The following WDR33 variants were observed in gnomAD, a reference collection of about 807,000 sequenced individuals.
The protein encoded by WDR33 is pre-mRNA 3' end processing protein WDR33.
A neutral mutation model predicts 164.9 loss-of-function variants in WDR33; 47 were observed. The ratio of observed to expected loss-of-function variants is 0.29; its 90% CI spans 0.23 to 0.36. The LOEUF (loss-of-function observed/expected upper bound fraction) is 0.36, where lower values mean the gene tolerates loss of function less well. Ranked by LOEUF, WDR33 falls within the 10% of genes least tolerant of loss-of-function variation. The pLI is 1.00. For missense variants in WDR33, 1,137 were observed against 1,754.1 expected (o/e 0.65, Z 6.28); for synonymous variants, 505 against 589.0 (o/e 0.86, Z 2.06).
chr2:127,752,462 C>T (rs368482015), intron 7 of WDR33, among the ~76,000 whole-genome samples: 5 of 151,594 alleles, frequency 3.3e-5, no homozygotes, highest in Non-Finnish European at 5.9e-5. Flanking sequence ...CGGTGGCGGG[C>T]GCCTGTAGTC....
At chr2:127,809,297 A>G (rs1409290695) in intron 1 of WDR33, among the ~76,000 whole-genome samples, 1 of 152,154 alleles carries the variant, frequency 6.6e-6, no homozygotes, top group Non-Finnish European at 1.5e-5. Context: ...TTACGTCAAT[A>G]TAAAACCGTG....
chr2:127,771,914 GTGTA>G (rs1688016269), intron 1 of WDR33, among the ~76,000 whole-genome samples: 2 of 152,268 alleles, frequency 1.3e-5, no homozygotes, highest in African/African-American at 2.4e-5. Flanking sequence ...GAGGCAGGGT[GTGTA>G]TGTGTGAGTC....
chr2:127,750,673 AAAAAATATATATATATATATATATAT>A lies in WDR33; in HGVS notation c.724+12363_724+12388del, dbSNP rs1187849339. Among the ~76,000 whole-genome samples the A allele has an allele frequency of 1.6e-4, 10 of 62,878 alleles. No homozygotes were observed. In the Admixed American group the frequency reaches 1.8e-3, roughly 11 times the overall value. 41.3% of individuals were successfully genotyped at this position (62,878 alleles called of 152,430 possible). A position where few individuals can be genotyped will look rare whatever the true frequency, so the allele number is the denominator to read the frequency against. On this transcript the variant is annotated intron_variant, in intron 7 of 21. Transcript: ENST00000322313. Reference sequence around the variant, plus strand: ...CTTAAAAAAAAAAAAAAAAAAAAAAAAAAAATATATATATATATATATATATATATATATATATATGTATGTATGCA... The same window carrying A: ...CTTAAAAAAAAAAAAAAAAAAAAAAAATATATATATATATGTATGTATGCA...
chr2:127,735,989 T>A lies in WDR33; in HGVS notation c.725-9212A>T. On this transcript the variant is annotated intron_variant, in intron 7 of 21. Coordinates refer to ENST00000322313, the MANE Select transcript of WDR33 (RefSeq NM_018383.5). This position sits in a 1 kb window ranked among gnomAD's most constrained non-coding sequence, Gnocchi z 4.3. ...CCTAGGCAGGGCAGTGTTTTCACAA[T>A]GTATGTTCCAACAATACAGTGCATA... The A allele has an allele frequency of 1.0e-6, 1 of 985,448 alleles. No individual in the cohort carries two copies. Among genetic ancestry groups the A allele is most frequent in the Non-Finnish European group, 1.2e-6 (1 of 829,942 alleles). The allele number at this position is 985,448 out of a possible 1,614,324, so 61.0% of individuals were successfully genotyped here.
At chr2:127,753,006 C>T (rs554283020) in intron 7 of WDR33, among the ~76,000 whole-genome samples, 2 of 152,332 alleles carry the variant, frequency 1.3e-5, no homozygotes, top group South Asian at 4.1e-4. Flanking sequence ...TCATTGCAAC[C>T]TCCTCTGCCT....
chr2:127,745,889 GT>G (rs1346325161), intron 7 of WDR33, among the ~76,000 whole-genome samples: 1 of 152,056 alleles, frequency 6.6e-6, no homozygotes, highest in Non-Finnish European at 1.5e-5. Flanking sequence ...GCTGGGCATG[GT>G]GGCAAGCTCC....
At chr2:127,733,881 A>G (rs565268266) in intron 7 of WDR33, among the ~76,000 whole-genome samples, 1 of 152,224 alleles carries the variant, frequency 6.6e-6, no homozygotes, top group Admixed American at 6.5e-5. Context: ...AGAACTATCC[A>G]GCCCTCTAAC....
rs935062781 is a variant in WDR33, at chr2:127,701,376, G to C, written c.*4947C>G. 61 of 708,138 alleles carry C rather than the reference G, an allele frequency of 8.6e-5. No individual in the cohort carries two copies. The Admixed American group carries it at 2.7e-3, about 31-fold the overall frequency. 43.9% of individuals were successfully genotyped at this position (708,138 alleles called of 1,614,324 possible). ...CACGGTACTTGGGGACACCACAAAA[G>C]TCCGCAGAGCAGGCACCGCGGCACT... On this transcript the variant is annotated 3_prime_UTR_variant, in exon 22 of 22. Coordinates refer to ENST00000322313, the MANE Select transcript of WDR33 (RefSeq NM_018383.5).
intron 7 of WDR33, among the ~76,000 whole-genome samples, chr2:127,731,474 C>T (rs1487303641): frequency 1.3e-5 from 2 of 152,128 alleles, no homozygotes; most frequent in Non-Finnish European, 2.9e-5. Flanking sequence ...GGCATATAAC[C>T]ATTGATTCTA....
rs897252080 is a variant in WDR33, at chr2:127,736,567, A to T, written c.725-9790T>A. 3.0e-6 allele frequency: 3 copies of T among 985,352 alleles called. No homozygotes were observed. The Admixed American group carries it at 1.8e-4, about 61-fold the overall frequency. 61.0% of individuals were successfully genotyped at this position (985,352 alleles called of 1,614,324 possible). A position where few individuals can be genotyped will look rare whatever the true frequency, so the allele number is the denominator to read the frequency against. On this transcript the variant is annotated intron_variant, in intron 7 of 21. Coordinates refer to ENST00000322313, the MANE Select transcript of WDR33 (RefSeq NM_018383.5). ...AGTCACACATTTACTTTGCCTATGT[A>T]GGTAAAATGGTTTCTATTGATTTGT...
Position 127,701,313 on chromosome 2 carries a change from G to A in WDR33, c.*5010C>T, listed in dbSNP as rs754875300. On this transcript the variant is annotated 3_prime_UTR_variant, in exon 22 of 22. Coordinates refer to ENST00000322313, the MANE Select transcript of WDR33 (RefSeq NM_018383.5). ...CGAACAAGGAAGAGGGTCAGGCGCT[G>A]GGAGGGCGACTGCAAGCGGACAGGC... is the stretch of plus-strand genomic sequence containing the variant. 6 of 375,642 alleles carry A rather than the reference G, an allele frequency of 1.6e-5. No homozygotes were observed. The highest frequency in any genetic ancestry group is 2.3e-5 in the Non-Finnish European group (5 of 216,874). The allele number at this position is 375,642 out of a possible 1,614,324, so 23.3% of individuals were successfully genotyped here.
intron 8 of WDR33, 99 bp from the exon 9 acceptor site, chr2:127,725,314 G>T: frequency 8.1e-7 from 1 of 1,239,990 alleles, no homozygotes; most frequent in Non-Finnish European, 1.1e-6. Flanking sequence ...ATGGCAAGAG[G>T]TTTGGCCTAG....
At chr2:127,810,833 C>G (rs1458580788) in intron 1 of WDR33, 179 bp downstream of exon 1, 1 of 152,732 alleles carries the variant, frequency 6.5e-6, no homozygotes, top group Non-Finnish European at 1.5e-5. Context: ...CTCCAGCCCC[C>G]TCCCATAAGT....
intron 7 of WDR33, among the ~76,000 whole-genome samples, chr2:127,755,074 G>GT (rs780761615): frequency 6.6e-6 from 1 of 152,148 alleles, no homozygotes. Flanking sequence ...ACACAGGATT[G>GT]TTTTTATGAA....
rs766304515 is a variant in WDR33, at chr2:127,712,903, C to T, written c.3308+680G>A. 6.6e-6 allele frequency among the ~76,000 whole-genome samples: 1 copy of T among 152,176 alleles called. No homozygotes were observed. The highest frequency in any genetic ancestry group is 2.4e-5 in the African/African-American group (1 of 41,432). On this transcript the variant is annotated intron_variant, in intron 18 of 21. Coordinates refer to ENST00000322313, the MANE Select transcript of WDR33 (RefSeq NM_018383.5). The surrounding 1 kb of genome is among the most constrained non-coding windows in gnomAD (Gnocchi z 4.0). ...CTGAGTAGCTAGGACTACAGGCATG[C>T]ACCACCAAACCCAGCTAATTAAAAA... is the stretch of plus-strand genomic sequence containing the variant.
intron 7 of WDR33, among the ~76,000 whole-genome samples, chr2:127,732,861 T>A (rs185117051): frequency 7.9e-4 from 120 of 152,326 alleles, no homozygotes; most frequent in African/African-American, 2.7e-3. Flanking sequence ...ACCAAACACA[T>A]GGTTTATTAA....
chr2:127,786,482 A>C (rs1458915790), intron 1 of WDR33, among the ~76,000 whole-genome samples: 4 of 152,224 alleles, frequency 2.6e-5, no homozygotes, highest in Non-Finnish European at 5.9e-5. Context: ...CAGGAGTTCA[A>C]GACCAGCTCA....
Position 127,717,101 on chromosome 2 carries a change from ATG to A in WDR33, c.2869+52_2869+53del. On this transcript the variant is annotated intron_variant, in intron 17 of 21. Transcript: ENST00000322313. The surrounding 1 kb of genome is among the most constrained non-coding windows in gnomAD (Gnocchi z 5.6). ...GGCCAACAAAATTATTCACTGTAAAATGTGCACAAAGGTGGTAGAATATAATC... is the reference window on the plus strand; with the variant it reads ...GGCCAACAAAATTATTCACTGTAAAATGCACAAAGGTGGTAGAATATAATC... 6.6e-7 allele frequency: 1 copy of A among 1,524,492 alleles called. No homozygotes were observed. The highest frequency in any genetic ancestry group is 1.2e-5 in the South Asian group (1 of 83,732). The allele number at this position is 1,524,492 out of a possible 1,614,324, so 94.4% of individuals were successfully genotyped here. A position where few individuals can be genotyped will look rare whatever the true frequency, so the allele number is the denominator to read the frequency against.
rs562935791 is a variant in WDR33 at position 127,724,723 on chromosome 2, G to A, written c.1085+164C>T. Among the ~76,000 whole-genome samples the A allele has an allele frequency of 2.6e-5, 4 of 152,030 alleles. No individual in the cohort carries two copies. Among genetic ancestry groups the A allele is most frequent in the East Asian group, 3.8e-4 (2 of 5,198 alleles). On this transcript the variant is annotated intron_variant, in intron 10 of 21. Transcript: ENST00000322313. This position sits in a 1 kb window ranked among gnomAD's most constrained non-coding sequence, Gnocchi z 4.8. ...AATGACTTCCATATCCACAAACAGA[G>A]GTACATTTTCTATTCCAAGCTGGAT... is the stretch of plus-strand genomic sequence containing the variant.
Sources: allele counts gnomAD v4.1 joint callset (sites outside exome capture counted in the v4.1 genomes callset), GRCh38; gene constraint gnomAD v4.1.1; non-coding constraint Gnocchi (gnomAD v3.1); transcripts MANE v1.5; gene names NCBI Gene and HGNC (gene_info 2026-07-23, HGNC 2026-07-21).